Variants in DMD observed in about 807,000 individuals in gnomAD.
The protein encoded by DMD is dystrophin, also known as mutant dystrophin.
In DMD, 63 loss-of-function variants were observed where a neutral mutation model predicts 330.1. That is an observed-to-expected ratio of 0.19 (90% CI 0.16 to 0.24). The LOEUF (loss-of-function observed/expected upper bound fraction) is 0.24, where lower values mean the gene tolerates loss of function less well. DMD is among the 10% of genes least tolerant of loss of function. DMD has a pLI of 1.00. For synonymous variants in DMD, 1,223 were observed against 959.8 expected, an observed-to-expected ratio of 1.27 and a Z score of -5.07; for missense variants, 3,344 against 2,684.1, an observed-to-expected ratio of 1.25 and a Z score of -5.43.
At position 32,336,671 on chromosome X, in the gene DMD, C is replaced by A. The variant is rs182591420; in HGVS notation, c.5922+5429G>T. ...TATAAAACATTTATAACAGAAACTA[C>A]TACATTACATAACCAGATTATACAT... On this transcript the variant is annotated intron_variant, in intron 41 of 78. Transcript: ENST00000357033. Among the ~76,000 whole-genome samples the A allele has an allele frequency of 2.7e-5, 3 of 111,945 alleles. No individual in the cohort carries two copies. In the Admixed American group the frequency reaches 2.9e-4, roughly 11 times the overall value.
At chrX:33,295,813 T>C (rs182280965) in intron 1 of DMD, among the ~76,000 whole-genome samples, 7 of 111,249 alleles carry the variant, frequency 6.3e-5, no homozygotes, top group African/African-American at 2.3e-4. Context: ...GACTACTCCC[T>C]ATCAGTTTCT....
chrX:31,845,386 T>TCTCTCTCTCTCC (rs1176827459), intron 48 of DMD, among the ~76,000 whole-genome samples: 6 of 41,675 alleles, frequency 1.4e-4, no homozygotes, highest in Non-Finnish European at 2.6e-4. Flanking sequence ...TCTCTCTCTC[T>TCTCTCTCTCTCC]CTCTCTCTCT....
At position 31,627,808 on chromosome X, in the gene DMD, G is replaced by C; in HGVS notation, c.8082C>G (p.Phe2694Leu). The change falls in exon 55 of 79, where the codon TTC becomes TTG. Residue 2694 changes from phenylalanine to leucine, a missense_variant. Coordinates refer to ENST00000357033, the MANE Select transcript of DMD (RefSeq NM_004006.3). ...CAAGAAACTTTTCCAGGTCCAGGGG[G>C]AACTGTTGCAGTAATCTATGAGTTT... ...LEETHRLLQQ[F>L]PLDLEKFLAW... 3.3e-6 allele frequency: 4 copies of C among 1,210,706 alleles called. No homozygotes were observed. In the South Asian group the frequency reaches 5.3e-5, roughly 16 times the overall value.
intron 54 of DMD, among the ~76,000 whole-genome samples, chrX:31,656,632 T>C (rs1266366482): frequency 2.7e-5 from 3 of 112,307 alleles, no homozygotes; most frequent in Admixed American, 9.5e-5. Flanking sequence ...ATTGATTCCA[T>C]GTGAATAATT....
intron 44 of DMD, among the ~76,000 whole-genome samples, chrX:32,150,114 T>C (rs918195295): frequency 1.8e-5 from 2 of 112,183 alleles, no homozygotes; most frequent in East Asian, 2.8e-4. Context: ...AGCTAGTTGT[T>C]GGGAGTAAAA....
At chrX:31,250,995 T>C (rs1358925289) in intron 63 of DMD, among the ~76,000 whole-genome samples, 1 of 108,293 alleles carries the variant, frequency 9.2e-6, no homozygotes, top group African/African-American at 3.4e-5. Context: ...GGCAGGAAAA[T>C]CGCTTGAACC....
At chrX:32,637,534 C>T (rs908308855) in intron 11 of DMD, among the ~76,000 whole-genome samples, 2 of 111,631 alleles carry the variant, frequency 1.8e-5, no homozygotes, top group African/African-American at 3.3e-5. Flanking sequence ...CCACTCTCTG[C>T]GGTACCAATG....
intron 12 of DMD, among the ~76,000 whole-genome samples, chrX:32,605,719 A>G (rs1402795149): frequency 9.0e-6 from 1 of 111,369 alleles, no homozygotes; most frequent in African/African-American, 3.2e-5. Context: ...TAACCCCATT[A>G]AAAAGTAGGC....
intron 41 of DMD, among the ~76,000 whole-genome samples, chrX:32,319,770 G>T (rs5972526): frequency 9.1e-6 from 1 of 109,331 alleles, no homozygotes; most frequent in South Asian, 3.9e-4. Flanking sequence ...AAGATATACT[G>T]ATTTTAGCTT....
intron 7 of DMD, among the ~76,000 whole-genome samples, chrX:32,798,387 C>T (rs1378153802): frequency 1.8e-5 from 2 of 111,826 alleles, no homozygotes; most frequent in African/African-American, 3.3e-5. Flanking sequence ...AGAGAACACA[C>T]TGGAATACTC....
chrX:31,433,302 T>C (rs762583133), intron 60 of DMD, among the ~76,000 whole-genome samples: 38 of 111,945 alleles, frequency 3.4e-4, no homozygotes, highest in African/African-American at 1.2e-3. Flanking sequence ...CCACCATTGA[T>C]GGGCACCTAG....
At chrX:31,553,797 C>T (rs1437007829) in intron 55 of DMD, among the ~76,000 whole-genome samples, 1 of 112,254 alleles carries the variant, frequency 8.9e-6, no homozygotes, top group Non-Finnish European at 1.9e-5. Flanking sequence ...AGTCAGATTT[C>T]AAATCTTAAA....
chrX:33,026,347 A>AAG (rs2094003626), intron 1 of DMD, among the ~76,000 whole-genome samples: 2 of 89,585 alleles, frequency 2.2e-5, no homozygotes, highest in African/African-American at 8.1e-5. Flanking sequence ...AAAAAAAAAA[A>AAG]GAAAGAAAAG....
chrX:32,265,601 G>A (rs1386691813), intron 43 of DMD, among the ~76,000 whole-genome samples: 1 of 112,384 alleles, frequency 8.9e-6, no homozygotes, highest in Non-Finnish European at 1.9e-5. Context: ...AAGCAGCCAG[G>A]AAGGGGGCTG....
intron 1 of DMD, among the ~76,000 whole-genome samples, chrX:33,332,293 A>G (rs749268950): frequency 1.4e-4 from 16 of 112,209 alleles, no homozygotes; most frequent in Non-Finnish European, 2.1e-4. Flanking sequence ...ACTTGATCTT[A>G]TAAAATGACA....
At chrX:32,866,146 G>T (rs2082460769) in intron 2 of DMD, among the ~76,000 whole-genome samples, 1 of 112,044 alleles carries the variant, frequency 8.9e-6, no homozygotes, top group Non-Finnish European at 1.9e-5. Flanking sequence ...ACCGAGTCAA[G>T]TTGCCCTAGT....
chrX:32,557,943 A>T (rs2050509571), intron 16 of DMD, among the ~76,000 whole-genome samples: 1 of 109,938 alleles, frequency 9.1e-6, no homozygotes, highest in African/African-American at 3.3e-5. Flanking sequence ...CAATAATTTA[A>T]TAATAATTTA....
At chrX:32,477,285 G>A (rs1294795283) in intron 21 of DMD, among the ~76,000 whole-genome samples, 4 of 107,055 alleles carry the variant, frequency 3.7e-5, no homozygotes, top group Non-Finnish European at 7.6e-5. Flanking sequence ...CTGCACTACT[G>A]TTTATCTTGA....
intron 27 of DMD, among the ~76,000 whole-genome samples, chrX:32,446,340 A>C (rs1409329730): frequency 9.1e-6 from 1 of 109,796 alleles, no homozygotes; most frequent in Non-Finnish European, 1.9e-5. Flanking sequence ...ATAAAGAAAC[A>C]ATAACTTGAC....
Sources: gnomAD v4.1 joint callset for allele counts (sites outside exome capture counted in the v4.1 genomes callset) on GRCh38, gnomAD v4.1.1 for gene constraint, MANE v1.5 for transcripts, NCBI Gene and HGNC (gene_info 2026-07-23, HGNC 2026-07-21) for gene names.